Variants in APBA1 observed in about 807,000 individuals in gnomAD.
APBA1 encodes the protein amyloid beta precursor protein binding family A member 1, also known as amyloid-beta A4 precursor protein-binding family A member 1.
In APBA1, 55 loss-of-function variants were observed where a neutral mutation model predicts 86.6. The ratio of observed to expected loss-of-function variants is 0.64; its 90% confidence interval spans 0.51 to 0.80. APBA1 has a LOEUF of 0.80. APBA1 is among the 30% of genes least tolerant of loss of function. APBA1 has a pLI of 0.00. For synonymous variants in APBA1, 511 were observed against 493.9 expected (o/e 1.03, Z -0.46); for missense variants, 1,090 against 1,183.0 (o/e 0.92, Z 1.15).
chr9:69,448,018 C>A (rs578204502), intron 10 of APBA1, among the ~76,000 whole-genome samples: 6 of 152,088 alleles, frequency 3.9e-5, no homozygotes, highest in Non-Finnish European at 7.4e-5. Context: ...GCCCCACCCC[C>A]CCGCTTGCCT....
chr9:69,491,155 C>G lies in APBA1; in HGVS notation c.1201-15012G>C, dbSNP rs1209996695. Among the ~76,000 whole-genome samples, 2 of 152,010 alleles carry G rather than the reference C, an allele frequency of 1.3e-5. 1 individual carries two copies. The highest frequency in any genetic ancestry group is 4.8e-5 in the African/African-American group (2 of 41,382). On this transcript the variant is annotated intron_variant, in intron 2 of 12. Coordinates refer to ENST00000265381, the MANE Select transcript of APBA1 (RefSeq NM_001163.4). ...ATGCTGCTATAAAGACACATGCACA[C>G]GTATGTTTATTGTGGCACTATTCAC... is the stretch of plus-strand genomic sequence containing the variant.
intron 2 of APBA1, among the ~76,000 whole-genome samples, chr9:69,513,159 T>A (rs956605220): frequency 1.3e-5 from 2 of 152,242 alleles, no homozygotes; most frequent in African/African-American, 2.4e-5. Context: ...TTTCTTAGCA[T>A]CAAGCTGATT....
chr9:69,476,746 C>A (rs1327511449), intron 2 of APBA1, among the ~76,000 whole-genome samples: 1 of 152,184 alleles, frequency 6.6e-6, no homozygotes, highest in Non-Finnish European at 1.5e-5. Context: ...GCTCTTAGAA[C>A]AGTTCAAAAA....
chr9:69,672,474 G>A (rs1408502956), upstream of APBA1, among the ~76,000 whole-genome samples: 5 of 148,628 alleles, frequency 3.4e-5, no homozygotes, highest in Admixed American at 2.7e-4. Context: ...GAGGGCGCGG[G>A]GGAGCGCGCG....
intron 2 of APBA1, among the ~76,000 whole-genome samples, chr9:69,483,114 T>A (rs1835546184): frequency 5.0e-5 from 3 of 59,946 alleles, no homozygotes; most frequent in Admixed American, 1.7e-4. Context: ...AAACTTAAAG[T>A]ATAATAAAAA....
intron 10 of APBA1, among the ~76,000 whole-genome samples, chr9:69,446,455 C>T (rs920985625): frequency 2.0e-5 from 3 of 152,212 alleles, no homozygotes; most frequent in African/African-American, 7.2e-5. Flanking sequence ...TATCACCACT[C>T]GGCCTTTTAA....
In APBA1 at chr9:69,450,058, T is replaced by TTG. The variant is rs1269801549; in HGVS notation, c.1969-263_1969-262insCA. ...GCACACAACCATGAGGACCACCAGTTTTTTTTTTTTTTTTTTTTTTTTTTA... is the reference window on the plus strand; with the variant it reads ...GCACACAACCATGAGGACCACCAGTTTGTTTTTTTTTTTTTTTTTTTTTTTTA... On this transcript the variant is annotated intron_variant, in intron 9 of 12. Coordinates refer to ENST00000265381, the MANE Select transcript of APBA1 (RefSeq NM_001163.4). Among the ~76,000 whole-genome samples the TTG allele has an allele frequency of 5.0e-4, 30 of 60,530 alleles. No homozygotes were observed. The East Asian group carries it at 0.014, about 28-fold the overall frequency. The allele number at this position is 60,530 out of a possible 152,430, so 39.7% of individuals were successfully genotyped here.
intron 1 of APBA1, among the ~76,000 whole-genome samples, chr9:69,667,401 T>C (rs1420173484): frequency 1.3e-5 from 2 of 152,042 alleles, no homozygotes; most frequent in African/African-American, 2.4e-5. Flanking sequence ...TCACTCCTAA[T>C]TGACTCACTG....
intron 1 of APBA1, among the ~76,000 whole-genome samples, chr9:69,622,392 A>G (rs1267608475): frequency 1.3e-5 from 2 of 152,190 alleles, no homozygotes; most frequent in East Asian, 3.8e-4. Context: ...CTAGTTCCTT[A>G]TAGGAGCAGG....
chr9:69,454,331 A>G (rs917531410), intron 8 of APBA1, among the ~76,000 whole-genome samples: 1 of 152,238 alleles, frequency 6.6e-6, no homozygotes, highest in African/African-American at 2.4e-5. Flanking sequence ...ACTGAAAAAT[A>G]TATACCTGGG....
At chr9:69,503,782 T>C (rs7470375) in intron 2 of APBA1, among the ~76,000 whole-genome samples, 22,935 of 152,026 alleles carry the variant, frequency 0.15, 2,356 homozygotes, top group East Asian at 0.28. Context: ...TGGAGCCCTC[T>C]GAGCGGCAGG....
chr9:69,623,526 G>T (rs1264849024), intron 1 of APBA1, among the ~76,000 whole-genome samples: 2 of 151,986 alleles, frequency 1.3e-5, no homozygotes, highest in Non-Finnish European at 2.9e-5. Context: ...GAAGTGGATG[G>T]GTCAAAGAAA....
intron 1 of APBA1, among the ~76,000 whole-genome samples, chr9:69,580,166 T>C (rs1267302970): frequency 1.3e-5 from 2 of 152,222 alleles, no homozygotes; most frequent in South Asian, 4.1e-4. Flanking sequence ...CCACTGGTGC[T>C]GTTTTGCTTG....
intron 1 of APBA1, among the ~76,000 whole-genome samples, chr9:69,623,219 G>A (rs1053354533): frequency 5.3e-5 from 8 of 152,142 alleles, no homozygotes; most frequent in South Asian, 2.1e-4. Context: ...AGTCTACTGC[G>A]CTTTCATTTA....
chr9:69,543,192 G>T (rs895807472), intron 1 of APBA1, among the ~76,000 whole-genome samples: 2 of 152,176 alleles, frequency 1.3e-5, no homozygotes, highest in Admixed American at 1.3e-4. Context: ...CCTAATTGGA[G>T]GGAGCCCCTG....
intron 1 of APBA1, among the ~76,000 whole-genome samples, chr9:69,543,253 C>G (rs1163170515): frequency 1.4e-5 from 2 of 138,270 alleles, no homozygotes; most frequent in Non-Finnish European, 3.1e-5. Flanking sequence ...CCCTCCACTT[C>G]CACTCCCTGC....
In APBA1 at chr9:69,452,090, A is replaced by G. The variant is rs750330981; in HGVS notation, c.1968+32T>C. On this transcript the variant is annotated intron_variant, in intron 9 of 12. Transcript: ENST00000265381. ...TTCCAAGCCCCTGCCCAGCTGACCC[A>G]GCCTGGAGAACAGCTTCAGGTAAGT... 6.2e-6 allele frequency: 10 copies of G among 1,603,230 alleles called. No homozygotes were observed. The Admixed American group carries it at 1.2e-4, about 19-fold the overall frequency.
chr9:69,518,012 G>C (rs1836195418), intron 1 of APBA1, among the ~76,000 whole-genome samples: 1 of 152,148 alleles, frequency 6.6e-6, no homozygotes, highest in Admixed American at 6.5e-5. Flanking sequence ...GTTTGACCAG[G>C]AGACACTTTT....
chr9:69,522,068 TACAC>T (rs9314700), intron 1 of APBA1, among the ~76,000 whole-genome samples: 3 of 149,442 alleles, frequency 2.0e-5, no homozygotes, highest in African/African-American at 7.4e-5. Flanking sequence ...CACCATTTTA[TACAC>T]ACACACACAC....
Sources: allele counts gnomAD v4.1 joint callset (sites outside exome capture counted in the v4.1 genomes callset), GRCh38; gene constraint gnomAD v4.1.1; transcripts MANE v1.5; gene names NCBI Gene and HGNC (gene_info 2026-07-23, HGNC 2026-07-21).